Variants in TMC1 observed in about 807,000 individuals in gnomAD.
TMC1 encodes the protein transmembrane channel-like protein 1.
A neutral mutation model predicts 105.8 loss-of-function variants in TMC1; 84 were observed. The ratio of observed to expected loss-of-function variants is 0.79; its 90% CI spans 0.67 to 0.95. TMC1 has a LOEUF of 0.95. Among genes scored for constraint, TMC1 ranks in the 40% least tolerant of loss-of-function variants. TMC1 has a pLI of 0.00. For synonymous variants in TMC1, 315 were observed against 311.5 expected, an observed-to-expected ratio of 1.01 and a Z score of -0.12; for missense variants, 817 against 914.1, an observed-to-expected ratio of 0.89 and a Z score of 1.37.
At chr9:72,606,193 G>T (rs1824909282) in intron 2 of TMC1, among the ~76,000 whole-genome samples, 2 of 152,122 alleles carry the variant, frequency 1.3e-5, no homozygotes, top group Non-Finnish European at 2.9e-5. Context: ...TGGTGTAGTT[G>T]TTGGCAGGCC....
intron 1 of TMC1, among the ~76,000 whole-genome samples, chr9:72,555,193 GTTTTTT>G (rs35020451): frequency 3.1e-5 from 4 of 130,672 alleles, no homozygotes; most frequent in Non-Finnish European, 3.2e-5. Context: ...TTTTGATTCT[GTTTTTT>G]TTTTTTTTTT....
intron 4 of TMC1, among the ~76,000 whole-genome samples, chr9:72,640,135 T>C (rs991305978): frequency 6.6e-6 from 1 of 152,248 alleles, no homozygotes; most frequent in Non-Finnish European, 1.5e-5. Context: ...ACTGTCATTT[T>C]TACTAATGTT....
intron 1 of TMC1, among the ~76,000 whole-genome samples, chr9:72,525,943 G>A (rs556266451): frequency 4.6e-5 from 7 of 151,466 alleles, no homozygotes; most frequent in South Asian, 2.1e-4. Context: ...AGCCAAGGTC[G>A]TGCCACTGCA....
intron 4 of TMC1, among the ~76,000 whole-genome samples, chr9:72,638,323 G>T (rs1487124538): frequency 2.0e-5 from 3 of 152,050 alleles, no homozygotes; most frequent in Non-Finnish European, 4.4e-5. Flanking sequence ...AAACCTAGAG[G>T]CCCGGGAGTC....
At chr9:72,700,202 G>A (rs1373241876) in intron 7 of TMC1, among the ~76,000 whole-genome samples, 1 of 149,240 alleles carries the variant, frequency 6.7e-6, no homozygotes, top group African/African-American at 2.5e-5. Context: ...AGTGAGCCAA[G>A]ATCGCACCAT....
chr9:72,553,773 G>A (rs112496532), intron 1 of TMC1, among the ~76,000 whole-genome samples: 3 of 152,248 alleles, frequency 2.0e-5, no homozygotes, highest in African/African-American at 7.2e-5. Context: ...TGGGGTCCTA[G>A]ACACATAATG....
intron 13 of TMC1, among the ~76,000 whole-genome samples, chr9:72,783,602 A>G (rs1376191824): frequency 3.3e-5 from 5 of 152,172 alleles, no homozygotes; most frequent in African/African-American, 9.7e-5. Context: ...TCCTCTGGCA[A>G]CACCTTCACA....
chr9:72,725,911 C>G (rs574076856), intron 8 of TMC1, among the ~76,000 whole-genome samples: 2 of 152,060 alleles, frequency 1.3e-5, no homozygotes, highest in Non-Finnish European at 2.9e-5. Context: ...AGGATGGTCT[C>G]GATCTCCTGA....
At chr9:72,781,205 C>T (rs1423892230) in intron 13 of TMC1, among the ~76,000 whole-genome samples, 1 of 152,118 alleles carries the variant, frequency 6.6e-6, no homozygotes, top group African/African-American at 2.4e-5. Flanking sequence ...AAATAGCCTG[C>T]TCCTGAATGA....
At chr9:72,695,654 C>T (rs1287438558) in intron 7 of TMC1, among the ~76,000 whole-genome samples, 1 of 152,126 alleles carries the variant, frequency 6.6e-6, no homozygotes, top group Non-Finnish European at 1.5e-5. Flanking sequence ...TACTCAATAG[C>T]TCTAACTATT....
chr9:72,776,092 G>A (rs1479502305), intron 13 of TMC1, among the ~76,000 whole-genome samples: 1 of 152,104 alleles, frequency 6.6e-6, no homozygotes, highest in East Asian at 1.9e-4. Flanking sequence ...AGGGCTCCCT[G>A]GGATTAGATA....
Position 72,792,045 on chromosome 9 carries a change from A to G in TMC1, c.1384A>G (p.Met462Val). The change falls in exon 16 of 24, where the codon ATG (methionine) becomes GTG (valine). Residue 462 changes from methionine (M) to valine (V), a missense_variant. Coordinates refer to ENST00000297784, the MANE Select transcript of TMC1 (RefSeq NM_138691.3). ...TTTATACGTATTTATTCTTGCATTA[A>G]TGGATGAGATTAACAACAAGGTAAG... ...GNLYVFILAL[M>V]DEINNKIEEE... 1.2e-6 allele frequency: 2 copies of G among 1,614,096 alleles called. No homozygotes were observed. The highest frequency in any genetic ancestry group is 1.7e-6 in the Non-Finnish European group (2 of 1,180,012).
chr9:72,835,915 G>GGT, intron 23 of TMC1, 36 bp from the exon 24 acceptor site: 1 of 1,314,682 alleles, frequency 7.6e-7, no homozygotes, highest in Admixed American at 2.2e-5. Flanking sequence ...CTCTCTCCTT[G>GGT]TTTTTTTTTT....
intron 2 of TMC1, among the ~76,000 whole-genome samples, chr9:72,602,315 T>A (rs1482852502): frequency 6.6e-6 from 1 of 151,538 alleles, no homozygotes; most frequent in Non-Finnish European, 1.5e-5. Context: ...TGAGCAAGAA[T>A]TGAACCCAGA....
At chr9:72,824,689 G>A (rs1362692489) in intron 20 of TMC1, among the ~76,000 whole-genome samples, 5 of 152,208 alleles carry the variant, frequency 3.3e-5, no homozygotes, top group Non-Finnish European at 7.3e-5. Context: ...TGCAAAAAAG[G>A]CTAAAGTGAA....
chr9:72,558,714 A>T (rs999495640), intron 1 of TMC1, among the ~76,000 whole-genome samples: 1 of 152,164 alleles, frequency 6.6e-6, no homozygotes, highest in African/African-American at 2.4e-5. Flanking sequence ...GCTTGTCAGG[A>T]GTTATTTTAA....
At chr9:72,568,207 A>G (rs1214558802) in intron 1 of TMC1, among the ~76,000 whole-genome samples, 2 of 152,002 alleles carry the variant, frequency 1.3e-5, no homozygotes, top group East Asian at 3.9e-4. Flanking sequence ...TCAACCCCCC[A>G]AACTGAACTT....
chr9:72,530,504 C>T (rs1274826243), intron 1 of TMC1, among the ~76,000 whole-genome samples: 1 of 151,780 alleles, frequency 6.6e-6, no homozygotes, highest in African/African-American at 2.4e-5. Context: ...GCAGAAGAAT[C>T]GCTTGAACCC....
At chr9:72,789,719 C>G (rs1020955123) in intron 15 of TMC1, among the ~76,000 whole-genome samples, 1 of 152,298 alleles carries the variant, frequency 6.6e-6, no homozygotes, top group South Asian at 2.1e-4. Context: ...AATCCTTCAT[C>G]TGTCATTAAA....
Sources: allele counts gnomAD v4.1 joint callset (sites outside exome capture counted in the v4.1 genomes callset), GRCh38; gene constraint gnomAD v4.1.1; transcripts MANE v1.5; gene names NCBI Gene and HGNC (gene_info 2026-07-23, HGNC 2026-07-21).